The following AFMID variants were observed in gnomAD, a reference collection of about 807,000 sequenced individuals.
The protein encoded by AFMID is arylformamidase.
Under a neutral mutation model 47.5 loss-of-function variants are expected in AFMID, and 39 were observed. The ratio of observed to expected loss-of-function variants is 0.82; its 90% CI spans 0.64 to 1.07. AFMID has a LOEUF of 1.07. Among genes scored for constraint, AFMID ranks in the 50% least tolerant of loss-of-function variants. The probability of loss-of-function intolerance (pLI) is 0.00; values close to 1 mark genes in which losing one functional copy is unlikely to be tolerated. For synonymous variants in AFMID, 130 were observed against 153.2 expected (o/e 0.85, Z 1.12); for missense variants, 375 against 387.5 (o/e 0.97, Z 0.27).
rs191798256 is a variant in AFMID at position 78,201,387 on chromosome 17, G to A, written c.155-1112G>A. Reference sequence around the variant, plus strand: ...TGTAATCCCAGCACTTTGGGAGGCCGAGGTGGATGGATCATCTGAGGTTGA... The same window carrying A: ...TGTAATCCCAGCACTTTGGGAGGCCAAGGTGGATGGATCATCTGAGGTTGA... On this transcript the variant is annotated intron_variant, in intron 2 of 10. Coordinates refer to ENST00000409257, the MANE Select transcript of AFMID (RefSeq NM_001010982.5). 7.4e-4 allele frequency among the ~76,000 whole-genome samples: 113 copies of A among 151,886 alleles called. 1 individual carries two copies. Among genetic ancestry groups the A allele is most frequent in the African/African-American group, 2.6e-3 (106 of 41,414 alleles).
Position 78,205,092 on chromosome 17 carries a change from G to A in AFMID, c.468-1G>A, listed in dbSNP as rs1311133431. The A allele has an allele frequency of 1.2e-6, 2 of 1,609,198 alleles. No individual in the cohort carries two copies. Among genetic ancestry groups the A allele is most frequent in the South Asian group, 1.1e-5 (1 of 90,086 alleles). On this transcript the variant is annotated splice_acceptor_variant, in intron 6 of 10. Coordinates refer to ENST00000409257, the MANE Select transcript of AFMID (RefSeq NM_001010982.5). LOFTEE classifies it high-confidence loss of function. Reference sequence around the variant, plus strand: ...CAGCTCTCTGCTCTGACCCCTCCCAGGGGAATTTACCTGTGTGGACACTCA... The same window carrying A: ...CAGCTCTCTGCTCTGACCCCTCCCAAGGGAATTTACCTGTGTGGACACTCA...
At chr17:78,204,798 T>C in intron 5 of AFMID, 30 bp from the exon 6 acceptor site, 1 of 1,614,092 alleles carries the variant, frequency 6.2e-7, no homozygotes, top group Non-Finnish European at 8.5e-7. Context: ...AGGAAGTGCA[T>C]CCCTGACCCA....
At chr17:78,201,384 G>A (rs2145870326) in intron 2 of AFMID, among the ~76,000 whole-genome samples, 1 of 151,998 alleles carries the variant, frequency 6.6e-6, no homozygotes, top group East Asian at 2.0e-4. Flanking sequence ...ACTTTGGGAG[G>A]CCGAGGTGGA....
intron 2 of AFMID, among the ~76,000 whole-genome samples, chr17:78,192,310 CTTTTTTTTTT>C (rs756391509): frequency 1.3e-5 from 1 of 77,738 alleles, no homozygotes; most frequent in Admixed American, 1.6e-4. Flanking sequence ...CATGGCTGGA[CTTTTTTTTTT>C]TTTTTTTTTT....
At chr17:78,206,516 C>T (rs2076386704) in intron 10 of AFMID, among the ~76,000 whole-genome samples, 1 of 151,722 alleles carries the variant, frequency 6.6e-6, no homozygotes. Flanking sequence ...AAGTGGTTAT[C>T]CTGCCCCAGC....
intron 2 of AFMID, among the ~76,000 whole-genome samples, chr17:78,198,444 CAAAAAA>C (rs572015460): frequency 7.2e-6 from 1 of 139,272 alleles, no homozygotes; most frequent in Non-Finnish European, 1.6e-5. Context: ...ACTACAAATA[CAAAAAA>C]AAAAAAAATT....
At chr17:78,202,784 G>A in intron 4 of AFMID, 33 bp downstream of exon 4, 12 of 1,551,302 alleles carry the variant, frequency 7.7e-6, no homozygotes, top group Non-Finnish European at 1.0e-5. Context: ...TGGACTGCAA[G>A]AGAGATTCCA....
At position 78,201,483 on chromosome 17, in the gene AFMID, G is replaced by A. The variant is rs143233736; in HGVS notation, c.155-1016G>A. On this transcript the variant is annotated intron_variant, in intron 2 of 10. Coordinates refer to ENST00000409257, the MANE Select transcript of AFMID (RefSeq NM_001010982.5). ...AAAATACAAAAATTAGCCAGGTGTG[G>A]TGGCACGGGCCCATAATCCCAGCTA... 5.2e-3 allele frequency among the ~76,000 whole-genome samples: 786 copies of A among 152,088 alleles called. 12 individuals carry two copies. The highest frequency in any genetic ancestry group is 0.018 in the African/African-American group (743 of 41,520).
At position 78,204,726 on chromosome 17, in the gene AFMID, G is replaced by A. The variant is rs750145910; in HGVS notation, c.379G>A (p.Gly127Ser). Residue 127 changes from glycine (G) to serine (S), a missense_variant, in exon 5 of 11, where the codon GGC becomes AGC. Gly to Ser is a moderately conservative substitution (Grantham distance 56). Coordinates refer to ENST00000409257, the MANE Select transcript of AFMID (RefSeq NM_001010982.5). ...QGVAVVIVAY[G>S]IAPKGTLDHM... ...AGTGGCCGTGGTAATAGTGGCTTAC[G>A]GCATCGCCCCCAAAGGTAATAGGAG... 100 of 1,614,156 alleles carry A rather than the reference G, an allele frequency of 6.2e-5. No homozygotes were observed. In the Middle Eastern group the frequency reaches 1.2e-3, roughly 19 times the overall value.
chr17:78,199,327 T>C (rs532233004), intron 2 of AFMID, among the ~76,000 whole-genome samples: 1 of 152,268 alleles, frequency 6.6e-6, no homozygotes, highest in East Asian at 1.9e-4. Context: ...TTTACCCTTC[T>C]GGAGTTGCAG....
In AFMID at chr17:78,202,711, T is replaced by G; in HGVS notation, c.268T>G (p.Phe90Val). ...TGTGCTTGGTTTTGCAGCCTTGCCT[T>G]TCTTCCTGTTCTTTCACGGAGGATA... is the stretch of plus-strand genomic sequence containing the variant. The part of the protein sequence containing the change: ...FPDESSEALP[F>V]FLFFHGGYWQ... The change falls in exon 4 of 11, where the codon TTC becomes GTC. Residue 90 changes from phenylalanine to valine, a missense_variant. Physicochemically the swap from Phe to Val is conservative, Grantham distance 50. Coordinates refer to ENST00000409257, the MANE Select transcript of AFMID (RefSeq NM_001010982.5). The G allele has an allele frequency of 6.4e-7, 1 of 1,559,548 alleles. No individual in the cohort carries two copies. The highest frequency in any genetic ancestry group is 8.7e-7 in the Non-Finnish European group (1 of 1,151,372).
intron 2 of AFMID, among the ~76,000 whole-genome samples, chr17:78,201,014 C>T (rs896371825): frequency 2.6e-5 from 4 of 151,416 alleles, no homozygotes; most frequent in Admixed American, 6.6e-5. Context: ...TCCTTTCTTT[C>T]GAGACAGAAT....
At chr17:78,205,782 G>A (rs1213872849) in intron 9 of AFMID, 44 bp downstream of exon 9, 1 of 1,603,686 alleles carries the variant, frequency 6.2e-7, no homozygotes. Flanking sequence ...AGGGTCATGT[G>A]GGCTCATTAT....
At chr17:78,193,738 G>A (rs1162873620) in intron 2 of AFMID, among the ~76,000 whole-genome samples, 8 of 151,980 alleles carry the variant, frequency 5.3e-5, no homozygotes, top group African/African-American at 1.2e-4. Flanking sequence ...AGCACTTTGC[G>A]GGGCTGAGGT....
At chr17:78,197,108 C>T in intron 2 of AFMID, 1 of 1,519,472 alleles carries the variant, frequency 6.6e-7, no homozygotes, top group Non-Finnish European at 8.9e-7. Context: ...TGATGTTTTT[C>T]TTAATCGTAG....
chr17:78,190,944 C>T (rs557394517), intron 1 of AFMID, 26 bp from the exon 2 acceptor site: 9 of 1,607,350 alleles, frequency 5.6e-6, no homozygotes, highest in Admixed American at 3.4e-5. Flanking sequence ...GAAAGTCTTA[C>T]GGAGCCTCAT....
intron 1 of AFMID, 76 bp from the exon 2 acceptor site, chr17:78,190,894 C>T (rs28712867): frequency 0.04 from 53,820 of 1,346,894 alleles, 3,164 homozygotes; most frequent in African/African-American, 0.24. Context: ...GAGGAGCAGC[C>T]GGGCATGGGC....
rs746267035 is a variant in AFMID, at chr17:78,202,600, G to A, written c.256G>A (p.Glu86Lys). ...CATTTACTTCCCCGACGAGTCGTCT[G>A]AAGGTTGTCGGTGAAGGGGCTGGGG... ...VDIYFPDESS[E>K]ALPFFLFFHG... The change falls in exon 3 of 11, where the codon GAA (glutamate) becomes AAA (lysine). Residue 86 changes from glutamate (E) to lysine (K), a missense_variant. Glu to Lys is a moderately conservative substitution (Grantham distance 56). Coordinates refer to ENST00000409257, the MANE Select transcript of AFMID (RefSeq NM_001010982.5). 6 of 1,612,714 alleles carry A rather than the reference G, an allele frequency of 3.7e-6. No individual in the cohort carries two copies. Among genetic ancestry groups the A allele is most frequent in the African/African-American group, 1.3e-5 (1 of 74,892 alleles).
In AFMID at chr17:78,205,191, G is replaced by T. The variant is rs763733024; in HGVS notation, c.565+1G>T. ...CATGGGGTCACGCCCAACCTCAGAG[G>T]TTTCCATGGGAGCTACAGCCTGGCT... is the stretch of plus-strand genomic sequence containing the variant. On this transcript the variant is annotated splice_donor_variant, in intron 7 of 10. Transcript: ENST00000409257. LOFTEE classifies it high-confidence loss of function. The T allele has an allele frequency of 1.2e-6, 2 of 1,609,810 alleles. No homozygotes were observed. Among genetic ancestry groups the T allele is most frequent in the Non-Finnish European group, 1.7e-6 (2 of 1,178,102 alleles).
Sources: allele counts gnomAD v4.1 joint callset (sites outside exome capture counted in the v4.1 genomes callset), GRCh38; gene constraint gnomAD v4.1.1; transcripts MANE v1.5; gene names NCBI Gene and HGNC (gene_info 2026-07-23, HGNC 2026-07-21).